Variants in RBSN observed in about 807,000 individuals in gnomAD.
The protein encoded by RBSN is rabenosyn-5.
RBSN carries 34 observed loss-of-function variants against 60.5 expected under a neutral mutation model. The ratio of observed to expected loss-of-function variants is 0.56; its 90% CI spans 0.43 to 0.75. The LOEUF is 0.75. Ranked by LOEUF, RBSN falls within the 30% of genes least tolerant of loss-of-function variation. The pLI is 0.00. For synonymous variants in RBSN, 322 were observed against 366.9 expected (o/e 0.88, Z 1.40); for missense variants, 845 against 986.8 (o/e 0.86, Z 1.92).
chr3:15,074,579 C>G lies in RBSN; in HGVS notation c.1558G>C (p.Glu520Gln), dbSNP rs770420679. Residue 520 changes from glutamate to glutamine, a missense_variant, in exon 14 of 14, where the codon GAA becomes CAA. Glu to Gln is a conservative substitution (Grantham distance 29). Transcript: ENST00000253699. The surrounding 1 kb of genome is among the most constrained non-coding windows in gnomAD (Gnocchi z 6.4). ...RQAEEEDLQR[E>Q]QLQMLREREL... is the part of the protein sequence containing the mutation. Reference sequence around the variant, plus strand: ...CGTTCACGCAACATCTGCAGCTGTTCCCGCTGCAGGTCCTCCTCCTCAGCC... The same window carrying G: ...CGTTCACGCAACATCTGCAGCTGTTGCCGCTGCAGGTCCTCCTCCTCAGCC... 1.1e-5 allele frequency: 18 copies of G among 1,614,254 alleles called. No homozygotes were observed. The highest frequency in any genetic ancestry group is 1.4e-5 in the Non-Finnish European group (17 of 1,180,034).
intron 4 of RBSN, among the ~76,000 whole-genome samples, chr3:15,092,418 T>A (rs2043541448): frequency 6.6e-6 from 1 of 151,290 alleles, no homozygotes; most frequent in Non-Finnish European, 1.5e-5. Flanking sequence ...TGTTTGTTTT[T>A]TTTTGAGACA....
intron 5 of RBSN, among the ~76,000 whole-genome samples, chr3:15,087,351 C>T (rs907654181): frequency 6.6e-6 from 1 of 152,062 alleles, no homozygotes; most frequent in African/African-American, 2.4e-5. Context: ...CCTGTCTCTA[C>T]TAAAAATACA....
At chr3:15,088,028 G>A (rs1458946138) in intron 5 of RBSN, among the ~76,000 whole-genome samples, 1 of 152,184 alleles carries the variant, frequency 6.6e-6, no homozygotes, top group African/African-American at 2.4e-5. Flanking sequence ...AATATTAACT[G>A]CTAAAATTTG....
intron 12 of RBSN, 61 bp from the exon 13 acceptor site, chr3:15,075,771 G>A (rs573248773): frequency 1.3e-4 from 176 of 1,376,680 alleles, no homozygotes; most frequent in Non-Finnish European, 1.7e-4. Flanking sequence ...TGAACCTTAA[G>A]CCCCATGATG....
chr3:15,077,211 G>A lies in RBSN; in HGVS notation c.999-47C>T, dbSNP rs375981231. ...AATATAATGAGCACTGCCAGCTTCA[G>A]AAACAAGGGTGAAAAGTATAACATC... On this transcript the variant is annotated intron_variant, in intron 11 of 13. Coordinates refer to ENST00000253699, the MANE Select transcript of RBSN (RefSeq NM_022340.4). The surrounding 1 kb of genome is among the most constrained non-coding windows in gnomAD (Gnocchi z 4.4). The A allele has an allele frequency of 2.0e-6, 3 of 1,512,938 alleles. No homozygotes were observed. Among genetic ancestry groups the A allele is most frequent in the Non-Finnish European group, 2.8e-6 (3 of 1,088,468 alleles). The allele number at this position is 1,512,938 out of a possible 1,614,324, so 93.7% of individuals were successfully genotyped here.
At position 15,096,127 on chromosome 3, in the gene RBSN, G is replaced by A. The variant is rs367979153; in HGVS notation, c.-7C>T. The A allele has an allele frequency of 2.5e-5, 40 of 1,569,686 alleles. No homozygotes were observed. The Middle Eastern group carries it at 7.1e-4, about 28-fold the overall frequency. ...GGTCGTCCAGAGAAGCCATGGCAGT[G>A]CCGCTCTCAACCCTAGGAAGGCAGG... On this transcript the variant is annotated 5_prime_UTR_variant, in exon 4 of 14. Transcript: ENST00000253699.
Position 15,096,260 on chromosome 3 carries a change from G to A in RBSN, c.-140C>T. 2.2e-6 allele frequency: 2 copies of A among 920,084 alleles called. No individual in the cohort carries two copies. The highest frequency in any genetic ancestry group is 3.0e-6 in the Non-Finnish European group (2 of 662,862). 57.0% of individuals were successfully genotyped at this position (920,084 alleles called of 1,614,324 possible). On this transcript the variant is annotated 5_prime_UTR_variant, in exon 4 of 14. Transcript: ENST00000253699. ...AGGAAGTGGCTTCATGGCCCTGGAT[G>A]AGGTTTCCTCTCTGGAGTAGGAGGA...
chr3:15,077,546 T>C lies in RBSN; in HGVS notation c.999-382A>G, dbSNP rs377133294. 7.2e-5 allele frequency among the ~76,000 whole-genome samples: 11 copies of C among 152,186 alleles called. No individual in the cohort carries two copies. The highest frequency in any genetic ancestry group is 1.2e-4 in the African/African-American group (5 of 41,442). On this transcript the variant is annotated intron_variant, in intron 11 of 13. Coordinates refer to ENST00000253699, the MANE Select transcript of RBSN (RefSeq NM_022340.4). This position sits in a 1 kb window ranked among gnomAD's most constrained non-coding sequence, Gnocchi z 4.4. The stretch of plus-strand genomic sequence containing the variant: ...TGCATTTTCATTTTGTACCAGGCCC[T>C]GCAACTACGAACTCCTGCTGTATGT...
chr3:15,084,386 G>A lies in RBSN; in HGVS notation c.598+349C>T, dbSNP rs963840733. ...GCCTGCCTTGGCCTCTCAAAGTGCT[G>A]TGATTACAGGCATGAGCCACTGTGC... On this transcript the variant is annotated intron_variant, in intron 8 of 13. Transcript: ENST00000253699. The surrounding 1 kb of genome is among the most constrained non-coding windows in gnomAD (Gnocchi z 4.2). 1.1e-4 allele frequency among the ~76,000 whole-genome samples: 16 copies of A among 152,210 alleles called. No homozygotes were observed. The highest frequency in any genetic ancestry group is 8.5e-4 in the Admixed American group (13 of 15,280).
At chr3:15,089,479 A>AAAACAAAAC (rs761290712) in intron 5 of RBSN, among the ~76,000 whole-genome samples, 7 of 104,042 alleles carry the variant, frequency 6.7e-5, no homozygotes, top group East Asian at 4.9e-4. Flanking sequence ...AAAAAAAAAC[A>AAAACAAAAC]AAAAAAAAAA....
intron 5 of RBSN, 121 bp downstream of exon 5, chr3:15,090,278 C>T: frequency 9.2e-7 from 1 of 1,087,314 alleles, no homozygotes; most frequent in Non-Finnish European, 1.3e-6. Context: ...GGCATAAGGT[C>T]CATGAGAAGC....
intron 4 of RBSN, among the ~76,000 whole-genome samples, chr3:15,090,860 G>T (rs1325117710): frequency 1.3e-5 from 2 of 152,120 alleles, no homozygotes; most frequent in Admixed American, 1.3e-4. Context: ...AGGAAAACAG[G>T]GTGATGGAAG....
chr3:15,091,431 C>T (rs748010017), intron 4 of RBSN: 1 of 1,278,978 alleles, frequency 7.8e-7, no homozygotes, highest in Non-Finnish European at 1.0e-6. Flanking sequence ...CCACTACTGC[C>T]CACGCACTTA....
At position 15,084,670 on chromosome 3, in the gene RBSN, AAT is replaced by A; in HGVS notation, c.598+63_598+64del. 1 of 1,502,814 alleles carries A rather than the reference AAT, an allele frequency of 6.7e-7. No homozygotes were observed. The highest frequency in any genetic ancestry group is 8.9e-7 in the Non-Finnish European group (1 of 1,121,884). The allele number at this position is 1,502,814 out of a possible 1,614,324, so 93.1% of individuals were successfully genotyped here. On this transcript the variant is annotated intron_variant, in intron 8 of 13. Coordinates refer to ENST00000253699, the MANE Select transcript of RBSN (RefSeq NM_022340.4). The surrounding 1 kb of genome is among the most constrained non-coding windows in gnomAD (Gnocchi z 4.2). ...AAAAAGGTTCCACGATCCCAGTGGTAATTAGCAAATAAGCTAGGCCCAAAAGA... is the reference window on the plus strand; with the variant it reads ...AAAAAGGTTCCACGATCCCAGTGGTATAGCAAATAAGCTAGGCCCAAAAGA...
Position 15,078,779 on chromosome 3 carries a change from C to CATATATATAT in RBSN, c.912-628_912-619dup, listed in dbSNP as rs57572763. Among the ~76,000 whole-genome samples the CATATATATAT allele has an allele frequency of 1.3e-3, 65 of 50,662 alleles. 2 individuals are homozygous for CATATATATAT. Among genetic ancestry groups the CATATATATAT allele is most frequent in the African/African-American group, 1.8e-3 (21 of 11,488 alleles). The allele number at this position is 50,662 out of a possible 152,430, so 33.2% of individuals were successfully genotyped here. ...GGTCTCAAAAAAAAAAAAAAAAATACATATATATATATATATATATATATA... is the reference window on the plus strand; with the variant it reads ...GGTCTCAAAAAAAAAAAAAAAAATACATATATATATATATATATATATATATATATATATA... On this transcript the variant is annotated intron_variant, in intron 10 of 13. Coordinates refer to ENST00000253699, the MANE Select transcript of RBSN (RefSeq NM_022340.4).
chr3:15,078,095 A>G lies in RBSN; in HGVS notation c.978T>C (p.Tyr326=), dbSNP rs769105728. 6.2e-7 allele frequency: 1 copy of G among 1,614,126 alleles called. No individual in the cohort carries two copies. Among genetic ancestry groups the G allele is most frequent in the South Asian group, 1.1e-5 (1 of 91,082 alleles). ...CTTACCTTAAAGCGTCTATCAGCTCATACACTTTCTGCACTTCCACTCGAA... is the reference window on the plus strand; with the variant it reads ...CTTACCTTAAAGCGTCTATCAGCTCGTACACTTTCTGCACTTCCACTCGAA... ...SDLRVEVQKV[Y]ELIDALSKKI... is the part of the protein sequence containing the mutation. The change falls in exon 11 of 14, where the codon TAT becomes TAC. Residue 326 remains tyrosine, a synonymous_variant. Transcript: ENST00000253699.
At chr3:15,075,182 C>G (rs1043506985) in intron 13 of RBSN, 8 of 587,528 alleles carry the variant, frequency 1.4e-5, no homozygotes, top group Non-Finnish European at 2.4e-5. Context: ...CTTAGATTCA[C>G]AGGCCGTATA....
At chr3:15,076,987 TGGATC>T in intron 12 of RBSN, 70 bp downstream of exon 12, 1 of 1,248,902 alleles carries the variant, frequency 8.0e-7, no homozygotes, top group Admixed American at 1.7e-5. Context: ...GTCATTGGCA[TGGATC>T]TGCCTCCTGG....
At chr3:15,093,352 T>C (rs2043566481) in intron 4 of RBSN, among the ~76,000 whole-genome samples, 1 of 152,216 alleles carries the variant, frequency 6.6e-6, no homozygotes, top group South Asian at 2.1e-4. Context: ...TCATTAATAG[T>C]ACTAGAGGTA....
Sources: allele counts gnomAD v4.1 joint callset (sites outside exome capture counted in the v4.1 genomes callset), GRCh38; gene constraint gnomAD v4.1.1; non-coding constraint Gnocchi (gnomAD v3.1); transcripts MANE v1.5; gene names NCBI Gene and HGNC (gene_info 2026-07-23, HGNC 2026-07-21).